MYBPC1: variants seen among roughly 807,000 people sequenced by gnomAD.
The protein encoded by MYBPC1 is myosin-binding protein C, slow-type.
In MYBPC1, 52 loss-of-function variants were observed where a neutral mutation model predicts 147.1. The observed-to-expected ratio is 0.35, with a 90% CI of 0.28 to 0.45. MYBPC1 has a LOEUF of 0.45. Ranked by LOEUF, MYBPC1 falls within the 20% of genes least tolerant of loss-of-function variation. MYBPC1 has a pLI of 1.00. For synonymous variants in MYBPC1, 477 were observed against 475.9 expected, an observed-to-expected ratio of 1.00 and a Z score of -0.03; for missense variants, 1,228 against 1,440.3, an observed-to-expected ratio of 0.85 and a Z score of 2.39.
At chr12:101,660,110 A>G in intron 19 of MYBPC1, 1 of 437,774 alleles carries the variant, frequency 2.3e-6, no homozygotes, top group South Asian at 2.1e-5. Context: ...CACAATCATT[A>G]CAGAGGGATT....
intron 1 of MYBPC1, among the ~76,000 whole-genome samples, chr12:101,603,968 C>CA (rs966631535): frequency 2.0e-5 from 3 of 152,048 alleles, no homozygotes; most frequent in Non-Finnish European, 4.4e-5. Context: ...TCAAGATCCC[C>CA]AAAAAAGACA....
chr12:101,682,498 C>A (rs1951076113), intron 29 of MYBPC1, 106 bp from the exon 30 acceptor site: 2 of 1,011,076 alleles, frequency 2.0e-6, no homozygotes, highest in Non-Finnish European at 3.1e-6. Context: ...TATCATCAGA[C>A]TGTTACTCTG....
At chr12:101,645,912 A>G (rs1893004843) in intron 12 of MYBPC1, among the ~76,000 whole-genome samples, 1 of 152,222 alleles carries the variant, frequency 6.6e-6, no homozygotes, top group Non-Finnish European at 1.5e-5. Context: ...AGAGAACATC[A>G]CATTCTATAG....
intron 19 of MYBPC1, 158 bp downstream of exon 19, chr12:101,659,989 G>C: frequency 1.0e-6 from 1 of 972,074 alleles, no homozygotes; most frequent in Non-Finnish European, 1.6e-6. Flanking sequence ...GGAGAAAGAA[G>C]AGCTAAGGTC....
At chr12:101,633,895 CT>C (rs571261326) in intron 8 of MYBPC1, among the ~76,000 whole-genome samples, 20,713 of 137,090 alleles carry the variant, frequency 0.15, 1,665 homozygotes, top group Middle Eastern at 0.27. Flanking sequence ...ACCTGGAGGG[CT>C]TTTTTTTTTT....
rs1324431221 is a variant in MYBPC1, at chr12:101,682,618, G to T, written c.3448G>T (p.Val1150Leu). ...TGATTCTGCAGTGATATATCAAGGA[G>T]TAAATACCCCTGGACAACCAGTCTT... The part of the protein sequence containing the change: ...KLEVKVIYQG[V>L]NTPGQPVFLE... Residue 1150 changes from valine (V) to leucine (L), a missense_variant, in exon 30 of 32, where the codon GTA becomes TTA. Around this residue, in one of 2 missense-constraint regions of MYBPC1, gnomAD observed 1,077 missense variants for 1,314.2 expected, o/e 0.82. Transcript: ENST00000361466. 6.2e-7 allele frequency: 1 copy of T among 1,613,018 alleles called. No homozygotes were observed. The highest frequency in any genetic ancestry group is 8.5e-7 in the Non-Finnish European group (1 of 1,179,082).
chr12:101,688,601 A>G (rs776291152), downstream of MYBPC1, among the ~76,000 whole-genome samples: 10 of 143,590 alleles, frequency 7.0e-5, no homozygotes, highest in Non-Finnish European at 1.6e-4. Flanking sequence ...CAGCTCAACA[A>G]ATGAGTTATT....
chr12:101,602,884 G>A lies in MYBPC1; in HGVS notation c.25+7789G>A, dbSNP rs192280832. The stretch of plus-strand genomic sequence containing the variant: ...TACTGAAATGAGCCATGTCCAATTC[G>A]GGGGTCTGTAGTTGTCAGCATAAGG... On this transcript the variant is annotated intron_variant, in intron 1 of 31. Transcript: ENST00000361466. Among the ~76,000 whole-genome samples, 633 of 152,252 alleles carry A rather than the reference G, an allele frequency of 4.2e-3. 3 individuals are homozygous for A. Among genetic ancestry groups the A allele is most frequent in the African/African-American group, 0.014 (584 of 41,534 alleles).
intron 25 of MYBPC1, among the ~76,000 whole-genome samples, chr12:101,673,982 G>A (rs562297006): frequency 6.6e-6 from 1 of 152,214 alleles, no homozygotes; most frequent in East Asian, 1.9e-4. Context: ...GAACCTGGGA[G>A]GTGGAAGTTG....
At chr12:101,611,816 C>G (rs950047758) in intron 1 of MYBPC1, among the ~76,000 whole-genome samples, 2 of 152,154 alleles carry the variant, frequency 1.3e-5, no homozygotes, top group Non-Finnish European at 2.9e-5. Flanking sequence ...CAGTGGCTCA[C>G]GCCTGTAATC....
chr12:101,653,347 A>G (rs1255106163), intron 18 of MYBPC1, 99 bp downstream of exon 18: 34 of 1,475,412 alleles, frequency 2.3e-5, no homozygotes, highest in Non-Finnish European at 2.9e-5. Flanking sequence ...GAAGGTAGAA[A>G]ACAAATAAAT....
intron 10 of MYBPC1, among the ~76,000 whole-genome samples, chr12:101,641,499 TC>T (rs1318494587): frequency 6.6e-6 from 1 of 152,190 alleles, no homozygotes; most frequent in Admixed American, 6.5e-5. Flanking sequence ...AAATCTTAAA[TC>T]TTATTTTTAA....
At chr12:101,688,313 G>A (rs1227849632), downstream of MYBPC1, among the ~76,000 whole-genome samples, 3 of 151,836 alleles carry the variant, frequency 2.0e-5, no homozygotes, top group East Asian at 1.9e-4. Flanking sequence ...CAGCTACTTG[G>A]GAAGCTGAGG....
intron 22 of MYBPC1, among the ~76,000 whole-genome samples, chr12:101,665,331 T>C (rs1897243312): frequency 6.6e-6 from 1 of 152,216 alleles, no homozygotes; most frequent in Non-Finnish European, 1.5e-5. Context: ...TTTATGTGGC[T>C]GCCGACTCTT....
intron 30 of MYBPC1, among the ~76,000 whole-genome samples, chr12:101,683,507 A>T (rs551000005): frequency 1.3e-3 from 201 of 152,344 alleles, no homozygotes; most frequent in African/African-American, 4.6e-3. Flanking sequence ...AATATCTGTA[A>T]CCCATCTATC....
intron 1 of MYBPC1, 51 bp from the exon 2 acceptor site, chr12:101,614,443 TTC>T: frequency 6.2e-7 from 1 of 1,608,040 alleles, no homozygotes; most frequent in South Asian, 1.1e-5. Context: ...TAGAAAGCAG[TTC>T]TTCTCTGTGA....
At chr12:101,691,427 C>T in the MYBPC1 span, among the ~76,000 whole-genome samples, 3 of 152,202 alleles carry the variant, frequency 2.0e-5, no homozygotes, top group African/African-American at 4.8e-5. Flanking sequence ...CAATGAAAGT[C>T]CATGGGCTTC....
chr12:101,689,804 G>T (rs1464816660), downstream of MYBPC1, among the ~76,000 whole-genome samples: 6 of 152,178 alleles, frequency 3.9e-5, no homozygotes, highest in Non-Finnish European at 8.8e-5. Flanking sequence ...TCCTAAGACT[G>T]TGTGCAAGTC....
intron 1 of MYBPC1, among the ~76,000 whole-genome samples, chr12:101,597,218 T>C (rs1395308494): frequency 6.6e-6 from 1 of 152,212 alleles, no homozygotes; most frequent in Non-Finnish European, 1.5e-5. Flanking sequence ...AAATAAAACA[T>C]GGCCTAGAGC....
Sources: allele counts gnomAD v4.1 joint callset (sites outside exome capture counted in the v4.1 genomes callset), GRCh38; gene constraint gnomAD v4.1.1; regional missense constraint gnomAD v4.1.1; transcripts MANE v1.5; gene names NCBI Gene and HGNC (gene_info 2026-07-23, HGNC 2026-07-21).